Variants in MCC observed in about 807,000 individuals in gnomAD.
MCC encodes MCC regulator of Wnt signaling pathway, also known as colorectal mutant cancer protein.
In MCC, 90 loss-of-function variants were observed where a neutral mutation model predicts 116.2. The ratio of observed to expected loss-of-function variants is 0.77; its 90% CI spans 0.65 to 0.92. MCC has a LOEUF of 0.92. MCC is among the 40% of genes least tolerant of loss of function. MCC has a pLI of 0.00. For synonymous variants in MCC, 578 were observed against 510.5 expected (o/e 1.13, Z -1.78); for missense variants, 1,516 against 1,312.2 (o/e 1.16, Z -2.40).
intron 11 of MCC, among the ~76,000 whole-genome samples, chr5:113,077,435 A>G (rs1754534669): frequency 6.6e-6 from 1 of 152,230 alleles, no homozygotes; most frequent in African/African-American, 2.4e-5. Flanking sequence ...ATGGAAAAGA[A>G]TAGAAATTAT....
chr5:113,313,171 C>T (rs781574127), intron 3 of MCC, among the ~76,000 whole-genome samples: 33 of 152,030 alleles, frequency 2.2e-4, no homozygotes, highest in Non-Finnish European at 3.7e-4. Flanking sequence ...ATGGTGAAAC[C>T]CCGTCTCTAC....
intron 8 of MCC, among the ~76,000 whole-genome samples, chr5:113,092,738 C>T (rs1448792898): frequency 6.6e-6 from 1 of 152,216 alleles, no homozygotes; most frequent in Non-Finnish European, 1.5e-5. Context: ...TGGTGAAATA[C>T]TCCTTTGCTG....
chr5:113,469,258 C>G (rs1772009230), intron 1 of MCC, among the ~76,000 whole-genome samples: 1 of 152,080 alleles, frequency 6.6e-6, no homozygotes, highest in Admixed American at 6.6e-5. Context: ...TTTTCTAGTT[C>G]TTTTAATTGT....
rs113344994 is a variant in MCC at position 113,249,512 on chromosome 5, C to T, written c.627+91007G>A. ...ACGTCTGCCAAACATATGCCCTGTACCTATGTTGTGATCCCATTCATTCCA... is the reference window on the plus strand; with the variant it reads ...ACGTCTGCCAAACATATGCCCTGTATCTATGTTGTGATCCCATTCATTCCA... On this transcript the variant is annotated intron_variant, in intron 3 of 18. Transcript: ENST00000408903. Among the ~76,000 whole-genome samples the T allele has an allele frequency of 8.6e-4, 131 of 152,292 alleles. 1 individual carries two copies. The highest frequency in any genetic ancestry group is 3.1e-3 in the African/African-American group (128 of 41,554).
intron 6 of MCC, among the ~76,000 whole-genome samples, chr5:113,109,406 C>T (rs1756944209): frequency 6.6e-6 from 1 of 152,084 alleles, no homozygotes; most frequent in African/African-American, 2.4e-5. Flanking sequence ...ATAAATCAGA[C>T]ACAACATGAC....
intron 5 of MCC, among the ~76,000 whole-genome samples, chr5:113,123,536 T>C (rs1757856190): frequency 6.6e-6 from 1 of 152,190 alleles, no homozygotes; most frequent in African/African-American, 2.4e-5. Flanking sequence ...TGTGTTTTAT[T>C]TGTATACACA....
chr5:113,070,267 G>A (rs1429480949), intron 12 of MCC, among the ~76,000 whole-genome samples: 2 of 152,182 alleles, frequency 1.3e-5, no homozygotes, highest in Non-Finnish European at 2.9e-5. Context: ...CAACTACTCT[G>A]AGGCCTTGGC....
intron 17 of MCC, among the ~76,000 whole-genome samples, chr5:113,039,720 C>T (rs951448333): frequency 1.4e-5 from 2 of 147,672 alleles, no homozygotes; most frequent in Non-Finnish European, 3.0e-5. Context: ...CGCCCCCCCC[C>T]CCAACCCACC....
intron 3 of MCC, among the ~76,000 whole-genome samples, chr5:113,236,973 G>A (rs528327044): frequency 2.6e-5 from 4 of 152,308 alleles, no homozygotes; most frequent in Admixed American, 2.6e-4. Flanking sequence ...GACTCTGAAT[G>A]TCAGTTGTTT....
At chr5:113,279,720 A>G (rs77843857) in intron 3 of MCC, among the ~76,000 whole-genome samples, 2,417 of 152,310 alleles carry the variant, frequency 0.016, 70 homozygotes, top group African/African-American at 0.056. Flanking sequence ...GCTCTTACGA[A>G]TTTTTAGAAT....
intron 2 of MCC, among the ~76,000 whole-genome samples, chr5:113,379,593 C>T (rs1769065053): frequency 6.6e-6 from 1 of 152,132 alleles, no homozygotes. Context: ...AAGTGCCTAG[C>T]AAATTGTCTC....
intron 3 of MCC, among the ~76,000 whole-genome samples, chr5:113,257,509 G>A (rs1765061856): frequency 6.6e-6 from 1 of 152,140 alleles, no homozygotes; most frequent in South Asian, 2.1e-4. Flanking sequence ...GAGTTTAAGT[G>A]AGAAAGAGAC....
intron 8 of MCC, 109 bp from the exon 9 acceptor site, chr5:113,085,419 C>G: frequency 1.8e-6 from 2 of 1,101,870 alleles, no homozygotes; most frequent in Non-Finnish European, 2.6e-6. Flanking sequence ...GATCAGCCCA[C>G]TGAAAAGCTA....
intron 3 of MCC, among the ~76,000 whole-genome samples, chr5:113,266,528 C>T (rs1765423779): frequency 1.3e-5 from 2 of 152,138 alleles, no homozygotes. Flanking sequence ...GATGGGATAG[C>T]ACTACTCCCT....
At chr5:113,034,011 T>G (rs1394328618) in intron 17 of MCC, among the ~76,000 whole-genome samples, 1 of 151,986 alleles carries the variant, frequency 6.6e-6, no homozygotes, top group African/African-American at 2.4e-5. Flanking sequence ...CTCAGCCTCC[T>G]GAGTGGCTGG....
chr5:113,416,248 A>G (rs1561559986), intron 1 of MCC, among the ~76,000 whole-genome samples: 1 of 152,218 alleles, frequency 6.6e-6, no homozygotes, highest in Non-Finnish European at 1.5e-5. Context: ...ATGCTTAAAA[A>G]TGTTCATTTA....
At chr5:113,059,443 G>A (rs114819335) in intron 14 of MCC, among the ~76,000 whole-genome samples, 23 of 152,320 alleles carry the variant, frequency 1.5e-4, no homozygotes, top group Non-Finnish European at 3.4e-4. Flanking sequence ...GTCTCCCAAG[G>A]GCCTGCTGCT....
At chr5:113,379,084 C>T (rs1235681594) in intron 2 of MCC, among the ~76,000 whole-genome samples, 2 of 152,148 alleles carry the variant, frequency 1.3e-5, no homozygotes, top group South Asian at 2.1e-4. Flanking sequence ...CACGAATTGC[C>T]CTCAGACCCT....
At chr5:113,210,765 G>A (rs760063847) in intron 3 of MCC, among the ~76,000 whole-genome samples, 22 of 152,212 alleles carry the variant, frequency 1.4e-4, no homozygotes, top group Non-Finnish European at 1.8e-4. Flanking sequence ...TTGAAAGAGT[G>A]TTGCATAGGC....
Sources: allele counts gnomAD v4.1 joint callset (sites outside exome capture counted in the v4.1 genomes callset), GRCh38; gene constraint gnomAD v4.1.1; transcripts MANE v1.5; gene names NCBI Gene and HGNC (gene_info 2026-07-23, HGNC 2026-07-21).